SRRM2: variants seen among roughly 807,000 people sequenced by gnomAD.
SRRM2 encodes the protein serine/arginine repetitive matrix 2.
Under a neutral mutation model 213.8 loss-of-function variants are expected in SRRM2, and 30 were observed. That is an observed-to-expected ratio of 0.14 (90% CI 0.10 to 0.19). The LOEUF (loss-of-function observed/expected upper bound fraction) is 0.19, where lower values mean the gene tolerates loss of function less well. Ranked by LOEUF, SRRM2 falls within the 10% of genes least tolerant of loss-of-function variation. The pLI is 1.00. For missense variants in SRRM2, 4,904 were observed against 3,647.0 expected, an observed-to-expected ratio of 1.34 and a Z score of -8.88; for synonymous variants, 2,025 against 1,377.7, an observed-to-expected ratio of 1.47 and a Z score of -10.40.
Position 2,767,969 on chromosome 16 carries a change from G to T in SRRM2, c.7441G>T (p.Ala2481Ser), listed in dbSNP as rs145730302. ...GSQSLSSGAVATTTSSAGDHN... is the reference protein window; with the variant it reads ...GSQSLSSGAVSTTTSSAGDHN... ...TCAGTCCCTTTCCTCTGGGGCAGTG[G>T]CAACGACCACGTCCTCTGCTGGTGA... The change falls in exon 11 of 15, where the codon GCA becomes TCA. Residue 2481 changes from alanine to serine, a missense_variant. By Grantham distance (99) the Ala-to-Ser change is moderately conservative (BLOSUM62 1). Transcript: ENST00000301740. 1 of 1,614,146 alleles carries T rather than the reference G, an allele frequency of 6.2e-7. No homozygotes were observed.
chr16:2,760,794 T>G (rs2068316899), intron 10 of SRRM2: 3 of 310,926 alleles, frequency 9.6e-6, no homozygotes, highest in African/African-American at 6.4e-5. Context: ...CTCCGTATGA[T>G]GCCTCTAGTT....
At position 2,763,276 on chromosome 16, in the gene SRRM2, A is replaced by G; in HGVS notation, c.2748A>G (p.Gln916=). ...GCCCATCTAGGTCATCATCTCCACA[A>G]CCCAAAGTGAAGGCAATAATATCAC... ...RQSPSRSSSP[Q]PKVKAIISPR... The change falls in exon 11 of 15, where the codon CAA becomes CAG. Residue 916 remains glutamine (Q), a synonymous_variant. Coordinates refer to ENST00000301740, the MANE Select transcript of SRRM2 (RefSeq NM_016333.4). 3 of 1,614,024 alleles carry G rather than the reference A, an allele frequency of 1.9e-6. No homozygotes were observed. The highest frequency in any genetic ancestry group is 2.5e-6 in the Non-Finnish European group (3 of 1,179,994).
chr16:2,760,517 T>C lies in SRRM2; in HGVS notation c.1032+18T>C, dbSNP rs2068303301. On this transcript the variant is annotated intron_variant, in intron 10 of 14. Coordinates refer to ENST00000301740, the MANE Select transcript of SRRM2 (RefSeq NM_016333.4). ...AGAAGGAGGTATGTTCCTGAGTTGG[T>C]GATGTTCATTGGATTGCAAATGTAT... The C allele has an allele frequency of 1.2e-6, 2 of 1,613,564 alleles. No homozygotes were observed. The highest frequency in any genetic ancestry group is 8.5e-7 in the Non-Finnish European group (1 of 1,179,568).
chr16:2,759,306 C>T (rs754330004), intron 7 of SRRM2, 46 bp from the exon 8 acceptor site: 31 of 1,610,124 alleles, frequency 1.9e-5, no homozygotes, highest in African/African-American at 8.0e-5. Context: ...GGTTTTATTT[C>T]CTTTTTTAAA....
Position 2,762,302 on chromosome 16 carries a change from C to G in SRRM2, c.1774C>G (p.Arg592Gly), listed in dbSNP as rs758684692. 6 of 1,614,012 alleles carry G rather than the reference C, an allele frequency of 3.7e-6. No individual in the cohort carries two copies. Among genetic ancestry groups the G allele is most frequent in the Non-Finnish European group, 5.1e-6 (6 of 1,179,980 alleles). Residue 592 changes from arginine (R) to glycine (G), a missense_variant, in exon 11 of 15, where the codon CGG (arginine) becomes GGG (glycine). Coordinates refer to ENST00000301740, the MANE Select transcript of SRRM2 (RefSeq NM_016333.4). ...GTCCCGCTCTAGAACACCTGCCAGG[C>G]GGAGATCACGATCCAGAACTCCCAC... ...GRSRSRTPAR[R>G]RSRSRTPTRR...
At chr16:2,757,669 C>T in intron 3 of SRRM2, 90 bp downstream of exon 3, 1 of 1,580,040 alleles carries the variant, frequency 6.3e-7, no homozygotes, top group East Asian at 2.2e-5. Context: ...GGACTTCCTC[C>T]CTGCTTTCGT....
At chr16:2,768,850 CCA>C in intron 11 of SRRM2, 145 bp from the exon 12 acceptor site, 1 of 1,514,122 alleles carries the variant, frequency 6.6e-7, no homozygotes, top group Non-Finnish European at 8.9e-7. Flanking sequence ...CCACTGCTCT[CCA>C]GAGAATTGCT....
rs2068649404 is a variant in SRRM2, at chr16:2,769,164, CT to C, written c.7903del (p.Ser2635LeufsTer48). ...TCTTCTTCCTCCTCCTCTTCCTCTTCTTCTTCTTCCTCCTCATCTTCCTCCT... is the reference window on the plus strand; with the variant it reads ...TCTTCTTCCTCCTCCTCTTCCTCTTCTCTTCTTCCTCCTCATCTTCCTCCT... ...SSSSSSSSSS[S>X]SSSSSSSSSS... On this transcript the variant is annotated frameshift_variant, in exon 12 of 15. Transcript: ENST00000301740. LOFTEE classifies it high-confidence loss of function. The C allele has an allele frequency of 6.2e-7, 1 of 1,612,290 alleles. No individual in the cohort carries two copies. Among genetic ancestry groups the C allele is most frequent in the Non-Finnish European group, 8.5e-7 (1 of 1,178,846 alleles).
chr16:2,762,584 C>T lies in SRRM2; in HGVS notation c.2056C>T (p.Pro686Ser). The T allele has an allele frequency of 1.2e-6, 2 of 1,614,082 alleles. No individual in the cohort carries two copies. Among genetic ancestry groups the T allele is most frequent in the South Asian group, 1.1e-5 (1 of 91,078 alleles). The change falls in exon 11 of 15, where the codon CCA becomes TCA. Residue 686 changes from proline to serine, a missense_variant. Coordinates refer to ENST00000301740, the MANE Select transcript of SRRM2 (RefSeq NM_016333.4). ...CAGTGGTCGCTCACGCTCCAGAACA[C>T]CAGCCAGGAGAGGGAGGTCTCGGTC... ...RRSGRSRSRT[P>S]ARRGRSRSRT...
At chr16:2,757,631 C>T (rs2068192961) in intron 3 of SRRM2, 52 bp downstream of exon 3, 2 of 1,578,500 alleles carry the variant, frequency 1.3e-6, no homozygotes, top group Non-Finnish European at 1.7e-6. Flanking sequence ...TGGCTGCTGG[C>T]TGCTGCTGCT....
intron 11 of SRRM2, 151 bp from the exon 12 acceptor site, chr16:2,768,846 C>T: frequency 2.0e-6 from 3 of 1,495,408 alleles, no homozygotes; most frequent in Non-Finnish European, 2.7e-6. Context: ...CGCACCACTG[C>T]TCTCCAGAGA....
intron 1 of SRRM2, among the ~76,000 whole-genome samples, chr16:2,755,719 G>C (rs1412343504): frequency 6.6e-6 from 1 of 152,202 alleles, no homozygotes; most frequent in East Asian, 1.9e-4. Flanking sequence ...GCCTTTAGTT[G>C]GGGTGTGAGG....
rs772321533 is a variant in SRRM2, at chr16:2,762,574, C to A, written c.2046C>A (p.Arg682=). 1 of 1,613,780 alleles carries A rather than the reference C, an allele frequency of 6.2e-7. No individual in the cohort carries two copies. Among genetic ancestry groups the A allele is most frequent in the Non-Finnish European group, 8.5e-7 (1 of 1,179,984 alleles). ...CAGCTAGACGCAGTGGTCGCTCACG[C>A]TCCAGAACACCAGCCAGGAGAGGGA... ...RTPARRSGRS[R]SRTPARRGRS... Residue 682 remains arginine, a synonymous_variant, in exon 11 of 15, where the codon CGC becomes CGA. Coordinates refer to ENST00000301740, the MANE Select transcript of SRRM2 (RefSeq NM_016333.4).
Position 2,762,444 on chromosome 16 carries a change from C to T in SRRM2, c.1916C>T (p.Ser639Leu), listed in dbSNP as rs1435107666. The T allele has an allele frequency of 1.2e-6, 2 of 1,613,464 alleles. No individual in the cohort carries two copies. The highest frequency in any genetic ancestry group is 8.5e-7 in the Non-Finnish European group (1 of 1,179,870). ...GTACGACGCAGGTCTCGTAGTAGAT[C>T]ACCAGCCAGGAGAAGTGGCAGGTCA... is the stretch of plus-strand genomic sequence containing the variant. ...SPVRRRSRSRSPARRSGRSRS... is the reference protein window; with the variant it reads ...SPVRRRSRSRLPARRSGRSRS... The change falls in exon 11 of 15, where the codon TCA (serine) becomes TTA (leucine). Residue 639 changes from serine (S) to leucine (L), a missense_variant. Ser to Leu is a moderately radical substitution (Grantham distance 145). Transcript: ENST00000301740.
Position 2,759,899 on chromosome 16 carries a change from C to A in SRRM2, c.833+238C>A, listed in dbSNP as rs899955558. 12 of 546,356 alleles carry A rather than the reference C, an allele frequency of 2.2e-5. No individual in the cohort carries two copies. The East Asian group carries it at 3.6e-4, about 17-fold the overall frequency. 33.8% of individuals were successfully genotyped at this position (546,356 alleles called of 1,614,324 possible). On this transcript the variant is annotated intron_variant, in intron 9 of 14. Coordinates refer to ENST00000301740, the MANE Select transcript of SRRM2 (RefSeq NM_016333.4). ...TTTGTTTCGTTCTGATGTATATGGA[C>A]TGCCAGAATAGGGGGGGTGGTGGTT...
intron 12 of SRRM2, 98 bp downstream of exon 12, chr16:2,769,382 G>A (rs979757315): frequency 4.6e-5 from 64 of 1,385,202 alleles, no homozygotes; most frequent in Non-Finnish European, 6.3e-5. Flanking sequence ...TGTCTCACGT[G>A]GCCTTGGGCA....
chr16:2,756,289 G>C, intron 1 of SRRM2, 45 bp from the exon 2 acceptor site: 1 of 1,462,562 alleles, frequency 6.8e-7, no homozygotes, highest in Non-Finnish European at 9.0e-7. Context: ...TAAGTGGTTA[G>C]TTTGGGGCCA....
At position 2,764,633 on chromosome 16, in the gene SRRM2, C is replaced by T. The variant is rs781627622; in HGVS notation, c.4105C>T (p.Leu1369=). 27 of 1,614,070 alleles carry T rather than the reference C, an allele frequency of 1.7e-5. No individual in the cohort carries two copies. The South Asian group carries it at 1.9e-4, about 11-fold the overall frequency. The change falls in exon 11 of 15, where the codon CTA becomes TTA. Residue 1369 remains leucine (L), a synonymous_variant. Transcript: ENST00000301740. The part of the protein sequence containing the change: ...FLNQLETDPS[L]DMKEQSTRSS... The stretch of plus-strand genomic sequence containing the variant: ...TAATCAGCTGGAAACAGATCCATCT[C>T]TAGACATGAAAGAACAATCGACAAG...
rs1018193540 is a variant in SRRM2 at position 2,759,638 on chromosome 16, C to T, written c.810C>T (p.Ser270=). The change falls in exon 9 of 15, where the codon TCC becomes TCT. Residue 270 remains serine (S), a synonymous_variant. Coordinates refer to ENST00000301740, the MANE Select transcript of SRRM2 (RefSeq NM_016333.4). ...GTTCAACTTCTGCTGACTCTGCTTC[C>T]TCCTCCGATACTTCCCGCAGTCGGT... ...AHRSTSADSA[S]SSDTSRSRSR... The T allele has an allele frequency of 6.2e-7, 1 of 1,614,008 alleles. No individual in the cohort carries two copies. The highest frequency in any genetic ancestry group is 8.5e-7 in the Non-Finnish European group (1 of 1,179,928).
Sources: allele counts gnomAD v4.1 joint callset (sites outside exome capture counted in the v4.1 genomes callset), GRCh38; gene constraint gnomAD v4.1.1; transcripts MANE v1.5; gene names NCBI Gene and HGNC (gene_info 2026-07-23, HGNC 2026-07-21).